The following HPD variants were observed in gnomAD, a reference collection of about 807,000 sequenced individuals.
HPD encodes 4-hydroxyphenylpyruvate dioxygenase.
Under a neutral mutation model 56.9 loss-of-function variants are expected in HPD, and 35 were observed. The observed-to-expected ratio is 0.62, with a 90% CI of 0.47 to 0.82. The LOEUF is 0.82. Among genes scored for constraint, HPD ranks in the 40% least tolerant of loss-of-function variants. The pLI is 0.00. For missense variants in HPD, 442 were observed against 506.8 expected (o/e 0.87, Z 1.23); for synonymous variants, 186 against 200.2 (o/e 0.93, Z 0.60).
At chr12:121,881,912 T>C in the HPD span, among the ~76,000 whole-genome samples, 10 of 90,200 alleles carry the variant, frequency 1.1e-4, 2 homozygotes, top group East Asian at 2.9e-3. Flanking sequence ...TCCCAAACTA[T>C]TGGGATTACA....
chr12:121,879,652 C>A, the HPD span, among the ~76,000 whole-genome samples: 1 of 152,100 alleles, frequency 6.6e-6, no homozygotes, highest in Non-Finnish European at 1.5e-5. Flanking sequence ...GGACTACAGG[C>A]AAGCACCACC....
At chr12:121,849,300 G>A (rs967081463) in intron 8 of HPD, among the ~76,000 whole-genome samples, 2 of 151,966 alleles carry the variant, frequency 1.3e-5, no homozygotes, top group African/African-American at 4.8e-5. Context: ...AAAGTGCTGG[G>A]ATTATAGGTA....
the HPD span, among the ~76,000 whole-genome samples, chr12:121,871,108 T>C: frequency 6.6e-6 from 1 of 151,936 alleles, no homozygotes; most frequent in Non-Finnish European, 1.5e-5. Context: ...TAGGCTGTAA[T>C]CCCCTCACTT....
At position 121,846,945 on chromosome 12, in the gene HPD, A is replaced by T; in HGVS notation, c.760-12T>A. 6.2e-7 allele frequency: 1 copy of T among 1,613,938 alleles called. No individual in the cohort carries two copies. The highest frequency in any genetic ancestry group is 1.1e-5 in the South Asian group (1 of 91,074). On this transcript the variant is annotated splice_polypyrimidine_tract_variant and intron_variant, in intron 10 of 13. Transcript: ENST00000289004. ...TAGTCCACATATTCCTGGGGGAGGG[A>T]AACAAGGAGACCACTGTCATTTGCC... is the stretch of plus-strand genomic sequence containing the variant.
chr12:121,858,775 G>A (rs200441474), intron 1 of HPD, 46 bp downstream of exon 1: 17 of 1,613,726 alleles, frequency 1.1e-5, no homozygotes, highest in Middle Eastern at 1.6e-4. Context: ...TTCTGGAAGC[G>A]TTACTGAAGA....
Position 121,846,892 on chromosome 12 carries a change from G to A in HPD, c.801C>T (p.Ile267=), listed in dbSNP as rs759434513. The A allele has an allele frequency of 4.3e-6, 7 of 1,614,022 alleles. No individual in the cohort carries two copies. Among genetic ancestry groups the A allele is most frequent in the African/African-American group, 2.7e-5 (2 of 74,910 alleles). The stretch of plus-strand genomic sequence containing the variant: ...TGATGATGTCTTCGGTCTTGAGAGC[G>A]ATGTGCTGGACCCCAGCGCCCCCGT... ...DYNGGAGVQH[I]ALKTEDIITA... Residue 267 remains isoleucine, a synonymous_variant, in exon 11 of 14, where the codon ATC becomes ATT. Coordinates refer to ENST00000289004, the MANE Select transcript of HPD (RefSeq NM_002150.3).
At chr12:121,842,205 C>T (rs561922135) in intron 12 of HPD, among the ~76,000 whole-genome samples, 133 of 152,166 alleles carry the variant, frequency 8.7e-4, no homozygotes, top group African/African-American at 3.1e-3. Flanking sequence ...CTCACTGCAG[C>T]TTTGACCTCC....
chr12:121,873,066 T>A, the HPD span, among the ~76,000 whole-genome samples: 2 of 152,136 alleles, frequency 1.3e-5, no homozygotes, highest in Admixed American at 6.6e-5. Flanking sequence ...GAGGTAGGGA[T>A]CATGGGGATT....
chr12:121,882,015 CAGGTG>C, the HPD span, among the ~76,000 whole-genome samples: 2 of 151,458 alleles, frequency 1.3e-5, no homozygotes, highest in African/African-American at 4.8e-5. Flanking sequence ...CTCCTGACCT[CAGGTG>C]ATCCTCCCGC....
chr12:121,854,822 T>G, intron 6 of HPD, 30 bp from the exon 7 acceptor site: 1 of 1,561,594 alleles, frequency 6.4e-7, no homozygotes, highest in East Asian at 2.2e-5. Context: ...GGGGAATTGG[T>G]GAGGGCTGGA....
At chr12:121,866,767 A>G (rs772582466), upstream of HPD, among the ~76,000 whole-genome samples, 1 of 152,110 alleles carries the variant, frequency 6.6e-6, no homozygotes, top group Non-Finnish European at 1.5e-5. Context: ...TGAAATTCAT[A>G]GAACTGTACA....
chr12:121,856,522 C>G, intron 5 of HPD, 61 bp downstream of exon 5: 1 of 1,604,388 alleles, frequency 6.2e-7, no homozygotes, highest in Non-Finnish European at 8.5e-7. Flanking sequence ...CATGCGTCCA[C>G]CCTCCCAGAA....
the HPD span, among the ~76,000 whole-genome samples, chr12:121,880,542 T>A: frequency 6.6e-6 from 1 of 152,130 alleles, no homozygotes; most frequent in East Asian, 1.9e-4. Context: ...ATTACCAAGA[T>A]CTTCCCATTA....
chr12:121,844,355 C>G (rs1299515080), intron 11 of HPD, among the ~76,000 whole-genome samples: 1 of 151,950 alleles, frequency 6.6e-6, no homozygotes, highest in Non-Finnish European at 1.5e-5. Context: ...TGAGCACTTT[C>G]TACGTATTCC....
chr12:121,861,924 T>C (rs1206254181), upstream of HPD, among the ~76,000 whole-genome samples: 2 of 152,038 alleles, frequency 1.3e-5, no homozygotes, highest in African/African-American at 4.8e-5. Flanking sequence ...AGGGGACGGT[T>C]GCTTGAGCCC....
chr12:121,870,118 ATCT>A, the HPD span, among the ~76,000 whole-genome samples: 2 of 151,618 alleles, frequency 1.3e-5, no homozygotes, highest in Non-Finnish European at 2.9e-5. Flanking sequence ...AAAGGAAAAA[ATCT>A]TCTGCAGAAG....
chr12:121,879,288 T>C, the HPD span, among the ~76,000 whole-genome samples: 1 of 148,216 alleles, frequency 6.7e-6, no homozygotes, highest in Non-Finnish European at 1.5e-5. Flanking sequence ...AATAAATAAA[T>C]AAATAATTAA....
chr12:121,880,146 C>G, the HPD span, among the ~76,000 whole-genome samples: 1 of 120,628 alleles, frequency 8.3e-6, no homozygotes, highest in Non-Finnish European at 1.7e-5. Context: ...GACCCTGTAT[C>G]AAAATGAAAA....
At chr12:121,864,846 C>G (rs1408049593), upstream of HPD, among the ~76,000 whole-genome samples, 5 of 130,332 alleles carry the variant, frequency 3.8e-5, no homozygotes, top group Non-Finnish European at 6.3e-5. Flanking sequence ...GAGTGAGACT[C>G]CGTCTCAAAA....
Sources: gnomAD v4.1 joint callset for allele counts (sites outside exome capture counted in the v4.1 genomes callset) on GRCh38, gnomAD v4.1.1 for gene constraint, MANE v1.5 for transcripts, NCBI Gene and HGNC (gene_info 2026-07-23, HGNC 2026-07-21) for gene names.